The following CPSF2 variants were observed in gnomAD, a reference collection of about 807,000 sequenced individuals.
The protein encoded by CPSF2 is cleavage and polyadenylation specific factor 2.
Under a neutral mutation model 84.2 loss-of-function variants are expected in CPSF2, and 51 were observed. The ratio of observed to expected loss-of-function variants is 0.61; its 90% CI spans 0.48 to 0.77. The LOEUF is 0.77. Among genes scored for constraint, CPSF2 ranks in the 30% least tolerant of loss-of-function variants. The pLI, the probability that CPSF2 is intolerant of heterozygous loss-of-function variation, is 0.00. For missense variants in CPSF2, 641 were observed against 929.4 expected, an observed-to-expected ratio of 0.69 and a Z score of 4.03; for synonymous variants, 286 against 311.9, an observed-to-expected ratio of 0.92 and a Z score of 0.87.
intron 1 of CPSF2, 147 bp downstream of exon 1, chr14:92,122,275 C>T (rs997231571): frequency 1.7e-5 from 4 of 241,896 alleles, no homozygotes; most frequent in African/African-American, 2.3e-5. Context: ...CGGTCGTTCC[C>T]GGCAGAAGTG....
At chr14:92,159,513 C>G (rs1206188114) in intron 14 of CPSF2, among the ~76,000 whole-genome samples, 2 of 152,088 alleles carry the variant, frequency 1.3e-5, no homozygotes, top group Admixed American at 1.3e-4. Flanking sequence ...TCTACATCAG[C>G]CTGATTATAG....
chr14:92,124,428 A>T (rs1330375401), intron 1 of CPSF2, among the ~76,000 whole-genome samples: 1 of 152,202 alleles, frequency 6.6e-6, no homozygotes, highest in African/African-American at 2.4e-5. Context: ...ACACTAAGTA[A>T]ATGTCAAATG....
At chr14:92,125,139 A>G (rs1435373776) in intron 1 of CPSF2, among the ~76,000 whole-genome samples, 1 of 152,114 alleles carries the variant, frequency 6.6e-6, no homozygotes, top group African/African-American at 2.4e-5. Context: ...TCTGGTAGCA[A>G]TGTTTAGGTT....
At chr14:92,159,757 G>C (rs1396916838) in intron 14 of CPSF2, among the ~76,000 whole-genome samples, 1 of 152,068 alleles carries the variant, frequency 6.6e-6, no homozygotes, top group Non-Finnish European at 1.5e-5. Flanking sequence ...ACATGCTTCT[G>C]TGTGTATGTC....
chr14:92,165,645 T>A lies in CPSF2; in HGVS notation c.*3901T>A, dbSNP rs1424282360. On this transcript the variant is annotated 3_prime_UTR_variant, in exon 16 of 16. Transcript: ENST00000298875. ...GTTCATATCCTTTGTCCATTTTCAA[T>A]TTGTTTATCTTTACTGTTGAGATGT... 1 of 152,046 alleles carries A rather than the reference T, an allele frequency of 6.6e-6. No individual in the cohort carries two copies. The highest frequency in any genetic ancestry group is 1.5e-5 in the Non-Finnish European group (1 of 68,014). The allele number at this position is 152,046 out of a possible 1,614,324, so 9.4% of individuals were successfully genotyped here. A position where few individuals can be genotyped will look rare whatever the true frequency, so the allele number is the denominator to read the frequency against.
intron 2 of CPSF2, among the ~76,000 whole-genome samples, chr14:92,129,808 C>T (rs888917077): frequency 3.9e-5 from 6 of 152,088 alleles, no homozygotes; most frequent in Admixed American, 1.3e-4. Context: ...AGTCTAGTGG[C>T]GCACTCATAG....
At position 92,156,664 on chromosome 14, in the gene CPSF2, T is replaced by A. The variant is rs1488807095; in HGVS notation, c.1595+33T>A. Reference sequence around the variant, plus strand: ...CTTTTGTGACATTTTGAAAATAGATTATAAGATAAAATTTCAAGCATTTGA... The same window carrying A: ...CTTTTGTGACATTTTGAAAATAGATAATAAGATAAAATTTCAAGCATTTGA... On this transcript the variant is annotated intron_variant, in intron 12 of 15. Transcript: ENST00000298875. 2.8e-6 allele frequency: 4 copies of A among 1,422,598 alleles called. No individual in the cohort carries two copies. The African/African-American group carries it at 5.7e-5, about 20-fold the overall frequency. The allele number at this position is 1,422,598 out of a possible 1,614,324, so 88.1% of individuals were successfully genotyped here.
chr14:92,159,493 G>A (rs2069339759), intron 14 of CPSF2, among the ~76,000 whole-genome samples: 1 of 152,118 alleles, frequency 6.6e-6, no homozygotes, highest in South Asian at 2.1e-4. Flanking sequence ...AATTGCTTGA[G>A]GCCAGGAGCT....
intron 14 of CPSF2, among the ~76,000 whole-genome samples, chr14:92,160,712 A>G (rs1462015650): frequency 6.6e-6 from 1 of 152,178 alleles, no homozygotes; most frequent in Non-Finnish European, 1.5e-5. Context: ...GGAAAATGGG[A>G]TTGGGGAGGA....
rs560115169 is a variant in CPSF2, at chr14:92,140,941, A to G, written c.662-1223A>G. The stretch of plus-strand genomic sequence containing the variant: ...CAAACAAACAAACTGAAAAACAAAA[A>G]AAGTAGCGGCTCTTTAAGTCTTAGT... On this transcript the variant is annotated intron_variant, in intron 7 of 15. Transcript: ENST00000298875. Among the ~76,000 whole-genome samples the G allele has an allele frequency of 2.0e-5, 3 of 152,216 alleles. No individual in the cohort carries two copies. In the East Asian group the frequency reaches 5.8e-4, roughly 29 times the overall value.
At position 92,146,790 on chromosome 14, in the gene CPSF2, T is replaced by A. The variant is rs867142160; in HGVS notation, c.1140+3496T>A. Among the ~76,000 whole-genome samples the A allele has an allele frequency of 2.6e-5, 4 of 152,312 alleles. No homozygotes were observed. The South Asian group carries it at 8.3e-4, about 32-fold the overall frequency. On this transcript the variant is annotated intron_variant, in intron 9 of 15. Coordinates refer to ENST00000298875, the MANE Select transcript of CPSF2 (RefSeq NM_017437.3). ...ATGCTACTTACACAGGCTTCTTAGA[T>A]CCCATATGATCTAATCCCCACCTAC...
At chr14:92,160,199 G>A (rs886190348) in intron 14 of CPSF2, among the ~76,000 whole-genome samples, 1 of 152,192 alleles carries the variant, frequency 6.6e-6, no homozygotes. Context: ...CTGACCTCAG[G>A]TGATCCACCC....
chr14:92,146,611 G>C (rs2069147731), intron 9 of CPSF2, among the ~76,000 whole-genome samples: 1 of 152,182 alleles, frequency 6.6e-6, no homozygotes, highest in Non-Finnish European at 1.5e-5. Flanking sequence ...ATTGTTGTAT[G>C]ACAGATCTCT....
In CPSF2 at chr14:92,142,998, T is replaced by TG; in HGVS notation, c.850-5dup. ...CTAATTCTTGTCATCTTTCCCCCCATGTTAGGTAGAATGGATGAGTGATAA... is the reference window on the plus strand; with the variant it reads ...CTAATTCTTGTCATCTTTCCCCCCATGGTTAGGTAGAATGGATGAGTGATAA... On this transcript the variant is annotated splice_polypyrimidine_tract_variant and splice_region_variant and intron_variant, in intron 8 of 15. Coordinates refer to ENST00000298875, the MANE Select transcript of CPSF2 (RefSeq NM_017437.3). 1 of 1,597,406 alleles carries TG rather than the reference T, an allele frequency of 6.3e-7. No individual in the cohort carries two copies. Among genetic ancestry groups the TG allele is most frequent in the Non-Finnish European group, 8.6e-7 (1 of 1,168,134 alleles).
chr14:92,150,137 C>G (rs201160215), intron 9 of CPSF2, among the ~76,000 whole-genome samples: 5 of 100,962 alleles, frequency 5.0e-5, no homozygotes, highest in Non-Finnish European at 7.9e-5. Flanking sequence ...TTTTTTTTTT[C>G]TTGTGTTTGA....
rs1334035455 is a variant in CPSF2, at chr14:92,163,657, T to C, written c.*1913T>C. 1 of 152,618 alleles carries C rather than the reference T, an allele frequency of 6.6e-6. No individual in the cohort carries two copies. The highest frequency in any genetic ancestry group is 1.5e-5 in the Non-Finnish European group (1 of 68,052). The allele number at this position is 152,618 out of a possible 1,614,324, so 9.5% of individuals were successfully genotyped here. On this transcript the variant is annotated 3_prime_UTR_variant, in exon 16 of 16. Transcript: ENST00000298875. ...GACCCAGTGGGCAGTAATTTAATCA[T>C]GGTGGTGGTTACCCTCATGCTGTTC...
intron 1 of CPSF2, among the ~76,000 whole-genome samples, chr14:92,123,176 G>A (rs919217071): frequency 6.6e-6 from 1 of 152,132 alleles, no homozygotes; most frequent in Non-Finnish European, 1.5e-5. Context: ...CGCCCAGGCT[G>A]GAGTGCAGTG....
rs1456937866 is a variant in CPSF2 at position 92,166,226 on chromosome 14, TC to T, written c.*4483del. ...CACGAAGGTTTACACTTAATTTTTT[TC>T]TATCTAAAAAACCATTGCTTCATCT... On this transcript the variant is annotated 3_prime_UTR_variant, in exon 16 of 16. Transcript: ENST00000298875. 6.6e-6 allele frequency: 1 copy of T among 152,168 alleles called. No homozygotes were observed. The highest frequency in any genetic ancestry group is 1.9e-4 in the East Asian group (1 of 5,190). 9.4% of individuals were successfully genotyped at this position (152,168 alleles called of 1,614,324 possible).
intron 11 of CPSF2, among the ~76,000 whole-genome samples, chr14:92,155,677 C>A (rs2069280070): frequency 6.6e-6 from 1 of 151,724 alleles, no homozygotes; most frequent in African/African-American, 2.4e-5. Flanking sequence ...GCCTGTAATC[C>A]CAACACTTTG....
Sources: gnomAD v4.1 joint callset for allele counts (sites outside exome capture counted in the v4.1 genomes callset) on GRCh38, gnomAD v4.1.1 for gene constraint, MANE v1.5 for transcripts, NCBI Gene and HGNC (gene_info 2026-07-23, HGNC 2026-07-21) for gene names.